FABP2: variants seen among roughly 807,000 people sequenced by gnomAD.
The protein encoded by FABP2 is fatty acid binding protein 2, also known as fatty acid-binding protein, intestinal.
In FABP2, 11 loss-of-function variants were observed where a neutral mutation model predicts 16.1. The ratio of observed to expected loss-of-function variants is 0.68; its 90% CI spans 0.43 to 1.13. The LOEUF (loss-of-function observed/expected upper bound fraction) is 1.13. Ranked by LOEUF, FABP2 falls within the 50% of genes most tolerant of loss-of-function variation. The probability of loss-of-function intolerance (pLI) is 0.00; values close to 1 mark genes in which losing one functional copy is unlikely to be tolerated. For synonymous variants in FABP2, 45 were observed against 50.9 expected (o/e 0.88, Z 0.49); for missense variants, 146 against 155.1 (o/e 0.94, Z 0.31).
At chr4:119,320,049 G>A (rs1426426790) in intron 2 of FABP2, among the ~76,000 whole-genome samples, 1 of 151,988 alleles carries the variant, frequency 6.6e-6, no homozygotes, top group African/African-American at 2.4e-5. Context: ...TTTAATTTGT[G>A]TGATTGTGGT....
chr4:119,318,956 A>T lies in FABP2; in HGVS notation c.*85T>A. 1 of 1,062,286 alleles carries T rather than the reference A, an allele frequency of 9.4e-7. No homozygotes were observed. The highest frequency in any genetic ancestry group is 1.4e-6 in the Non-Finnish European group (1 of 713,972). 65.8% of individuals were successfully genotyped at this position (1,062,286 alleles called of 1,614,324 possible). ...AGGACCAATCAATCAGTAACCTTAT[A>T]CTTGATGGGGTGAAATAAATAGTTC... is the stretch of plus-strand genomic sequence containing the variant. On this transcript the variant is annotated 3_prime_UTR_variant, in exon 4 of 4. Transcript: ENST00000274024.
chr4:119,319,176 A>G, intron 3 of FABP2, 85 bp from the exon 4 acceptor site: 1 of 657,722 alleles, frequency 1.5e-6, no homozygotes, highest in South Asian at 2.9e-5. Context: ...TTTATACTAT[A>G]TGAGTTTATA....
chr4:119,322,123 C>G lies in FABP2; in HGVS notation c.-21G>C. On this transcript the variant is annotated 5_prime_UTR_variant, in exon 1 of 4. Coordinates refer to ENST00000274024, the MANE Select transcript of FABP2 (RefSeq NM_000134.4). ...GCCATGATTTCAGTTGAGTCAGCCT[C>G]TAGGCAGCTAGAGATTCAGGTCTGT... The G allele has an allele frequency of 6.2e-7, 1 of 1,601,422 alleles. No homozygotes were observed. The highest frequency in any genetic ancestry group is 8.5e-7 in the Non-Finnish European group (1 of 1,170,414).
intron 2 of FABP2, among the ~76,000 whole-genome samples, chr4:119,319,979 C>T (rs1212538742): frequency 6.6e-6 from 1 of 151,672 alleles, no homozygotes; most frequent in African/African-American, 2.4e-5. Flanking sequence ...TGTTACGTGT[C>T]CAGAAATATA....
chr4:119,318,761 G>C lies in FABP2; in HGVS notation c.*280C>G, dbSNP rs1755619121. ...TATTCACATACTTTTTCTTTTAAAA[G>C]GCAAGGCTACATATAAAGCAACATG... On this transcript the variant is annotated 3_prime_UTR_variant, in exon 4 of 4. Transcript: ENST00000274024. 3.4e-6 allele frequency: 1 copy of C among 295,120 alleles called. No individual in the cohort carries two copies. The highest frequency in any genetic ancestry group is 6.3e-6 in the Non-Finnish European group (1 of 159,574). 18.3% of individuals were successfully genotyped at this position (295,120 alleles called of 1,614,324 possible).
chr4:119,320,618 T>C, intron 2 of FABP2, 52 bp downstream of exon 2: 1 of 1,363,974 alleles, frequency 7.3e-7, no homozygotes, highest in Non-Finnish European at 1.0e-6. Context: ...ATCATTTTAA[T>C]ATTGGGTAGA....
rs1316569264 is a variant in FABP2, at chr4:119,318,830, T to C, written c.*211A>G. ...GTTTTTTAAAATGTCACAAATTCTT[T>C]TAGTAAATATATATCTTAGAGAATA... On this transcript the variant is annotated 3_prime_UTR_variant, in exon 4 of 4. Coordinates refer to ENST00000274024, the MANE Select transcript of FABP2 (RefSeq NM_000134.4). The C allele has an allele frequency of 2.5e-6, 1 of 393,036 alleles. No individual in the cohort carries two copies. Among genetic ancestry groups the C allele is most frequent in the Non-Finnish European group, 4.6e-6 (1 of 216,308 alleles). The allele number at this position is 393,036 out of a possible 1,614,324, so 24.3% of individuals were successfully genotyped here.
chr4:119,320,487 A>G (rs1299844469), intron 2 of FABP2, among the ~76,000 whole-genome samples, 183 bp downstream of exon 2: 1 of 152,108 alleles, frequency 6.6e-6, no homozygotes, highest in Non-Finnish European at 1.5e-5. Context: ...GTATAAAAAT[A>G]AAAACATATT....
At chr4:119,321,156 T>C (rs1466671907) in intron 1 of FABP2, among the ~76,000 whole-genome samples, 5 of 152,068 alleles carry the variant, frequency 3.3e-5, no homozygotes, top group Non-Finnish European at 7.4e-5. Flanking sequence ...TCTAGAAATA[T>C]CAAATGAAGG....
rs1302848896 is a variant in FABP2 at position 119,320,741 on chromosome 4, G to A, written c.169C>T (p.Arg57Ter). ...KFTVKESSTF[R>*]NIEVVFELGV... ...AGTTCAAAAACAACTTCAATGTTTC[G>A]AAAAGTGCTTGATTCTTTGACTGTG... Residue 57 changes from arginine (R) to a stop codon, truncating the protein, a stop_gained, in exon 2 of 4, where the codon CGA becomes TGA. Transcript: ENST00000274024. LOFTEE classifies it high-confidence loss of function. The A allele has an allele frequency of 5.6e-6, 9 of 1,606,472 alleles. No homozygotes were observed. In the East Asian group the frequency reaches 6.8e-5, roughly 12 times the overall value.
At chr4:119,320,451 G>A (rs147613585) in intron 2 of FABP2, among the ~76,000 whole-genome samples, 4 of 151,880 alleles carry the variant, frequency 2.6e-5, no homozygotes, top group Non-Finnish European at 4.4e-5. Flanking sequence ...AATTCTTACT[G>A]TTCAATTCAG....
chr4:119,318,104 G>A lies in FABP2; in HGVS notation c.*937C>T, dbSNP rs2149497819. ...TCAGCCAAGCGTGGGAATGACTGAT[G>A]TGTACAAAAATGTAATACAATAATT... On this transcript the variant is annotated 3_prime_UTR_variant, in exon 4 of 4. Coordinates refer to ENST00000274024, the MANE Select transcript of FABP2 (RefSeq NM_000134.4). The A allele has an allele frequency of 6.6e-6, 1 of 152,164 alleles. No homozygotes were observed. Among genetic ancestry groups the A allele is most frequent in the Middle Eastern group, 3.4e-3 (1 of 294 alleles). The allele number at this position is 152,164 out of a possible 1,614,324, so 9.4% of individuals were successfully genotyped here.
chr4:119,321,964 A>C, intron 1 of FABP2, 72 bp downstream of exon 1: 2 of 1,242,862 alleles, frequency 1.6e-6, no homozygotes, highest in South Asian at 2.6e-5. Flanking sequence ...AATCTCCTAG[A>C]GATTTAGGAG....
Position 119,319,521 on chromosome 4 carries a change from A to C in FABP2, c.348+15T>G. On this transcript the variant is annotated intron_variant, in intron 3 of 3. Coordinates refer to ENST00000274024, the MANE Select transcript of FABP2 (RefSeq NM_000134.4). ...TTTTTGCCTTTTGAAAATAGCTATA[A>C]ATTTGACAACTCACCTGGACTAGTT... is the stretch of plus-strand genomic sequence containing the variant. 6.6e-7 allele frequency: 1 copy of C among 1,523,020 alleles called. No individual in the cohort carries two copies. 94.3% of individuals were successfully genotyped at this position (1,523,020 alleles called of 1,614,324 possible). A position where few individuals can be genotyped will look rare whatever the true frequency, so the allele number is the denominator to read the frequency against.
rs374808911 is a variant in FABP2, at chr4:119,320,666, T to C, written c.240+4A>G. On this transcript the variant is annotated splice_donor_region_variant and intron_variant, in intron 2 of 3. Transcript: ENST00000274024. Reference sequence around the variant, plus strand: ...GCATTGCTCATAAAAAAAAAAATTCTTACCCTGAGTTCAGTTCCGTCTGCT... The same window carrying C: ...GCATTGCTCATAAAAAAAAAAATTCCTACCCTGAGTTCAGTTCCGTCTGCT... The C allele has an allele frequency of 1.3e-6, 2 of 1,556,582 alleles. No individual in the cohort carries two copies. Among genetic ancestry groups the C allele is most frequent in the East Asian group, 2.4e-5 (1 of 42,254 alleles).
chr4:119,319,680 G>A (rs1347374763), intron 2 of FABP2, 37 bp from the exon 3 acceptor site: 6 of 568,024 alleles, frequency 1.1e-5, no homozygotes, highest in Non-Finnish European at 1.5e-5. Flanking sequence ...TAATAATAAT[G>A]GCATTTATTA....
rs766362700 is a variant in FABP2, at chr4:119,320,853, T to C, written c.68-11A>G. The C allele has an allele frequency of 9.1e-6, 14 of 1,533,814 alleles. No individual in the cohort carries two copies. The highest frequency in any genetic ancestry group is 1.2e-5 in the Non-Finnish European group (14 of 1,150,198). On this transcript the variant is annotated splice_polypyrimidine_tract_variant and intron_variant, in intron 1 of 3. Coordinates refer to ENST00000274024, the MANE Select transcript of FABP2 (RefSeq NM_000134.4). The stretch of plus-strand genomic sequence containing the variant: ...TCACTATATTAACACCTGTAAAAGG[T>C]AAGACAATGGAGAAAATAAAGTCAA...
Position 119,320,749 on chromosome 4 carries a change from C to T in FABP2, c.161G>A (p.Ser54Asn), listed in dbSNP as rs994774849. The T allele has an allele frequency of 3.7e-6, 6 of 1,606,218 alleles. No homozygotes were observed. In the African/African-American group the frequency reaches 6.7e-5, roughly 18 times the overall value. The stretch of plus-strand genomic sequence containing the variant: ...AACAACTTCAATGTTTCGAAAAGTG[C>T]TTGATTCTTTGACTGTGAATTTATT... ...EGNKFTVKES[S>N]TFRNIEVVFE... The change falls in exon 2 of 4, where the codon AGC becomes AAC. Residue 54 changes from serine (S) to asparagine (N), a missense_variant. Ser to Asn is a conservative substitution (Grantham distance 46, BLOSUM62 1). Transcript: ENST00000274024.
intron 3 of FABP2, among the ~76,000 whole-genome samples, 181 bp downstream of exon 3, chr4:119,319,355 A>G (rs751279937): frequency 3.3e-5 from 5 of 151,696 alleles, no homozygotes; most frequent in Non-Finnish European, 7.4e-5. Flanking sequence ...ATTATTTGAC[A>G]TATATAAGTT....
Sources: gnomAD v4.1 joint callset for allele counts (sites outside exome capture counted in the v4.1 genomes callset) on GRCh38, gnomAD v4.1.1 for gene constraint, MANE v1.5 for transcripts, NCBI Gene and HGNC (gene_info 2026-07-23, HGNC 2026-07-21) for gene names.